The following PPP3CA variants were observed in gnomAD, a reference collection of about 807,000 sequenced individuals.
PPP3CA encodes CAM-PRP catalytic subunit.
Under a neutral mutation model 66.5 loss-of-function variants are expected in PPP3CA, and 14 were observed. The ratio of observed to expected loss-of-function variants is 0.21; its 90% CI spans 0.14 to 0.33. The LOEUF is 0.33. PPP3CA is among the 10% of genes least tolerant of loss of function. The pLI is 1.00. For missense variants in PPP3CA, 317 were observed against 639.5 expected (o/e 0.50, Z 5.44); for synonymous variants, 232 against 226.2 (o/e 1.03, Z -0.23).
chr4:101,190,507 T>C (rs116110001), intron 2 of PPP3CA, among the ~76,000 whole-genome samples: 27 of 152,306 alleles, frequency 1.8e-4, no homozygotes, highest in African/African-American at 6.3e-4. Flanking sequence ...TACATGTTTA[T>C]TGATGTTAAT....
At chr4:101,346,148 C>G (rs1578208414) in intron 1 of PPP3CA, among the ~76,000 whole-genome samples, 1 of 152,000 alleles carries the variant, frequency 6.6e-6, no homozygotes, top group Admixed American at 6.5e-5. Flanking sequence ...CCCCCACGCT[C>G]TCCCGCTCTC....
At chr4:101,060,914 T>G (rs558601852) in intron 10 of PPP3CA, among the ~76,000 whole-genome samples, 173 bp downstream of exon 10, 1 of 152,302 alleles carries the variant, frequency 6.6e-6, no homozygotes, top group South Asian at 2.1e-4. Context: ...CTCATGATAT[T>G]TGTTTCTTAT....
intron 2 of PPP3CA, among the ~76,000 whole-genome samples, chr4:101,109,308 T>TAAAAAAAAAAAAAAAAAAAAA (rs70961775): frequency 3.3e-5 from 3 of 90,044 alleles, no homozygotes; most frequent in Non-Finnish European, 4.4e-5. Context: ...ACAGATTAAC[T>TAAAAAAAAAAAAAAAAAAAAA]AAAAAAAAAA....
At chr4:101,122,394 G>T (rs890236416) in intron 2 of PPP3CA, among the ~76,000 whole-genome samples, 1 of 152,164 alleles carries the variant, frequency 6.6e-6, no homozygotes, top group Non-Finnish European at 1.5e-5. Flanking sequence ...TTGTATGTGT[G>T]TGTGTGTACA....
At chr4:101,312,577 C>T (rs1728762344) in intron 1 of PPP3CA, among the ~76,000 whole-genome samples, 1 of 151,752 alleles carries the variant, frequency 6.6e-6, no homozygotes, top group South Asian at 2.1e-4. Flanking sequence ...GGCTGAATGG[C>T]CGTTCATTTT....
chr4:101,274,297 G>C (rs181742716), intron 1 of PPP3CA, among the ~76,000 whole-genome samples: 2 of 152,252 alleles, frequency 1.3e-5, no homozygotes, highest in Admixed American at 1.3e-4. Context: ...AGGCGACAGA[G>C]CAAGACTCCG....
chr4:101,321,232 T>C (rs1029687619), intron 1 of PPP3CA, among the ~76,000 whole-genome samples: 2 of 152,152 alleles, frequency 1.3e-5, no homozygotes, highest in African/African-American at 4.8e-5. Flanking sequence ...TCTACAGAGG[T>C]AAACATGTCC....
Position 101,093,915 on chromosome 4 carries a change from A to G in PPP3CA, c.643T>C (p.Leu215=). The G allele has an allele frequency of 6.3e-7, 1 of 1,593,520 alleles. No individual in the cohort carries two copies. The highest frequency in any genetic ancestry group is 8.5e-7 in the Non-Finnish European group (1 of 1,172,978). The stretch of plus-strand genomic sequence containing the variant: ...GCAGGTGGTTCTTTGAATCGGTCTA[A>G]CTAAGAAAAATAGAAGACAGAGAGC... ...EINTLDDIRK[L]DRFKEPPAYG... Residue 215 remains leucine, a splice_region_variant and synonymous_variant, in exon 6 of 14, where the codon TTA becomes CTA. Coordinates refer to ENST00000394854, the MANE Select transcript of PPP3CA (RefSeq NM_000944.5).
At chr4:101,094,453 C>T (rs996951537) in intron 5 of PPP3CA, among the ~76,000 whole-genome samples, 4 of 152,222 alleles carry the variant, frequency 2.6e-5, no homozygotes, top group Non-Finnish European at 5.9e-5. Flanking sequence ...GAAAAGATGG[C>T]TTTTACTTTA....
intron 1 of PPP3CA, among the ~76,000 whole-genome samples, chr4:101,226,495 A>T (rs1417918011): frequency 6.6e-6 from 1 of 151,748 alleles, no homozygotes; most frequent in Non-Finnish European, 1.5e-5. Context: ...TACGTGAAGG[A>T]GTCTCTATAA....
At chr4:101,184,781 T>A (rs1724355869) in intron 2 of PPP3CA, among the ~76,000 whole-genome samples, 2 of 152,130 alleles carry the variant, frequency 1.3e-5, no homozygotes, top group South Asian at 4.1e-4. Flanking sequence ...AGTATATTGT[T>A]AGGCATGTAG....
chr4:101,334,907 G>A (rs1053343409), intron 1 of PPP3CA, among the ~76,000 whole-genome samples: 3 of 151,912 alleles, frequency 2.0e-5, no homozygotes, highest in Non-Finnish European at 2.9e-5. Flanking sequence ...AAATGTTCAG[G>A]GAAATACACA....
At chr4:101,097,276 G>C (rs1730236971) in intron 5 of PPP3CA, among the ~76,000 whole-genome samples, 1 of 151,938 alleles carries the variant, frequency 6.6e-6, no homozygotes, top group African/African-American at 2.4e-5. Context: ...AAAATTACTG[G>C]TGAGAATAAT....
chr4:101,319,169 T>G (rs1728965810), intron 1 of PPP3CA, among the ~76,000 whole-genome samples: 1 of 142,260 alleles, frequency 7.0e-6, no homozygotes, highest in African/African-American at 2.6e-5. Flanking sequence ...TATACCATAT[T>G]GAAAAAAAAA....
intron 4 of PPP3CA, 117 bp downstream of exon 4, chr4:101,099,494 G>C: frequency 4.1e-6 from 2 of 486,184 alleles, no homozygotes; most frequent in Non-Finnish European, 7.1e-6. Context: ...ATATGAAAGA[G>C]TGTCACTTTA....
chr4:101,164,997 G>A (rs56218967), intron 2 of PPP3CA, among the ~76,000 whole-genome samples: 13,483 of 152,032 alleles, frequency 0.089, 745 homozygotes, highest in Middle Eastern at 0.2. Flanking sequence ...ACTGACTCTG[G>A]GTAGGGGAGG....
chr4:101,249,387 TC>T (rs1295715067), intron 1 of PPP3CA, among the ~76,000 whole-genome samples: 6 of 152,270 alleles, frequency 3.9e-5, no homozygotes, highest in Non-Finnish European at 8.8e-5. Flanking sequence ...GTATTATTTA[TC>T]CTTATTTTAA....
At chr4:101,294,317 T>C (rs1728124485) in intron 1 of PPP3CA, among the ~76,000 whole-genome samples, 1 of 152,206 alleles carries the variant, frequency 6.6e-6, no homozygotes, top group Non-Finnish European at 1.5e-5. Flanking sequence ...AGGTATCTCA[T>C]CAAATAATTC....
At chr4:101,323,022 T>C (rs1412985109) in intron 1 of PPP3CA, among the ~76,000 whole-genome samples, 1 of 152,136 alleles carries the variant, frequency 6.6e-6, no homozygotes, top group African/African-American at 2.4e-5. Context: ...TAAGTAAAAA[T>C]AGAGCATGTA....
Sources: gnomAD v4.1 joint callset for allele counts (sites outside exome capture counted in the v4.1 genomes callset) on GRCh38, gnomAD v4.1.1 for gene constraint, MANE v1.5 for transcripts, NCBI Gene and HGNC (gene_info 2026-07-23, HGNC 2026-07-21) for gene names.